Variants in UBN1 observed in about 807,000 individuals in gnomAD.
UBN1 encodes ubinuclein-1.
A neutral mutation model predicts 108.5 loss-of-function variants in UBN1; 17 were observed. The observed-to-expected ratio is 0.16, with a 90% CI of 0.11 to 0.24. The LOEUF is 0.24. Among genes scored for constraint, UBN1 ranks in the 10% least tolerant of loss-of-function variants. The probability of loss-of-function intolerance (pLI) is 1.00; values close to 1 mark genes in which losing one functional copy is unlikely to be tolerated. For missense variants in UBN1, 1,595 were observed against 1,394.4 expected, an observed-to-expected ratio of 1.14 and a Z score of -2.29; for synonymous variants, 726 against 564.2, an observed-to-expected ratio of 1.29 and a Z score of -4.07.
At chr16:4,860,435 G>A (rs1280742360) in intron 6 of UBN1, among the ~76,000 whole-genome samples, 2 of 152,156 alleles carry the variant, frequency 1.3e-5, no homozygotes, top group East Asian at 3.9e-4. Flanking sequence ...CTAAAAACCC[G>A]TCGGAAATTT....
chr16:4,857,498 G>A (rs370648812), intron 2 of UBN1, among the ~76,000 whole-genome samples: 7 of 152,014 alleles, frequency 4.6e-5, no homozygotes, highest in African/African-American at 1.4e-4. Flanking sequence ...TGGTAGCACC[G>A]AGAGAAGTGC....
rs1386261954 is a variant in UBN1, at chr16:4,881,668, C to G, written c.*1536C>G. Reference sequence around the variant, plus strand: ...CTCTGTCCGCCCTTTGGCCCGGCCTCTGCTCTGTCTCCTTTTTTTACATAA... The same window carrying G: ...CTCTGTCCGCCCTTTGGCCCGGCCTGTGCTCTGTCTCCTTTTTTTACATAA... On this transcript the variant is annotated 3_prime_UTR_variant, in exon 18 of 18. Coordinates refer to ENST00000262376, the MANE Select transcript of UBN1 (RefSeq NM_001079514.3). 1 of 152,242 alleles carries G rather than the reference C, an allele frequency of 6.6e-6. No individual in the cohort carries two copies. The highest frequency in any genetic ancestry group is 1.9e-4 in the East Asian group (1 of 5,196). 9.4% of individuals were successfully genotyped at this position (152,242 alleles called of 1,614,324 possible). A position where few individuals can be genotyped will look rare whatever the true frequency, so the allele number is the denominator to read the frequency against.
Position 4,881,336 on chromosome 16 carries a change from G to A in UBN1, c.*1204G>A, listed in dbSNP as rs2660236. On this transcript the variant is annotated 3_prime_UTR_variant, in exon 18 of 18. Transcript: ENST00000262376. ...CGACTGAAGGGTGATGTGCAGAAGA[G>A]CTTGGAGAGTGGATCAGAGAGACTA... 8 of 152,660 alleles carry A rather than the reference G, an allele frequency of 5.2e-5. No homozygotes were observed. The highest frequency in any genetic ancestry group is 2.6e-4 in the Admixed American group (4 of 15,300). 9.5% of individuals were successfully genotyped at this position (152,660 alleles called of 1,614,324 possible).
chr16:4,850,447 C>A (rs530270367), intron 1 of UBN1, among the ~76,000 whole-genome samples: 3 of 152,268 alleles, frequency 2.0e-5, no homozygotes, highest in African/African-American at 7.2e-5. Flanking sequence ...TTGCTGATTC[C>A]CTTCTTATAG....
At chr16:4,875,734 C>A (rs2087850911) in intron 15 of UBN1, among the ~76,000 whole-genome samples, 1 of 152,160 alleles carries the variant, frequency 6.6e-6, no homozygotes, top group Non-Finnish European at 1.5e-5. Flanking sequence ...GAGCAACAGC[C>A]CTTGCCTTCC....
At chr16:4,869,838 A>G (rs570363787) in intron 8 of UBN1, among the ~76,000 whole-genome samples, 5 of 151,520 alleles carry the variant, frequency 3.3e-5, no homozygotes, top group South Asian at 2.1e-4. Context: ...GGACTGGGGG[A>G]AAAAAAAGAA....
chr16:4,861,573 G>T (rs544636966), intron 7 of UBN1, among the ~76,000 whole-genome samples: 12 of 152,340 alleles, frequency 7.9e-5, no homozygotes, highest in African/African-American at 2.9e-4. Flanking sequence ...CCAGTGTTAG[G>T]TAGTGATTAC....
At chr16:4,855,800 TC>T (rs2086782967) in intron 2 of UBN1, among the ~76,000 whole-genome samples, 1 of 152,194 alleles carries the variant, frequency 6.6e-6, no homozygotes, top group Non-Finnish European at 1.5e-5. Context: ...ATGCATGTAA[TC>T]CCAGCTACTC....
At chr16:4,851,648 A>G (rs2142107941) in intron 1 of UBN1, among the ~76,000 whole-genome samples, 1 of 152,200 alleles carries the variant, frequency 6.6e-6, no homozygotes, top group East Asian at 1.9e-4. Flanking sequence ...GTGGGTCAGC[A>G]TCTCTACAAA....
chr16:4,872,266 G>T (rs1284814116), intron 12 of UBN1: 6 of 985,238 alleles, frequency 6.1e-6, no homozygotes, highest in African/African-American at 1.7e-5. Flanking sequence ...TTTATTCCTG[G>T]AATGGAGGGA....
chr16:4,855,424 G>C (rs1241320409), intron 2 of UBN1, among the ~76,000 whole-genome samples: 1 of 151,936 alleles, frequency 6.6e-6, no homozygotes, highest in South Asian at 2.1e-4. Flanking sequence ...AGACTAGCCT[G>C]GGCAACATAG....
chr16:4,848,956 C>T (rs2086368894), intron 1 of UBN1, among the ~76,000 whole-genome samples: 1 of 152,102 alleles, frequency 6.6e-6, no homozygotes, highest in East Asian at 1.9e-4. Flanking sequence ...ACAAAATTAG[C>T]CGGGCGTGGT....
chr16:4,857,670 G>A (rs2086877622), intron 2 of UBN1, among the ~76,000 whole-genome samples: 1 of 152,150 alleles, frequency 6.6e-6, no homozygotes, highest in Non-Finnish European at 1.5e-5. Context: ...GAGTTACAAA[G>A]GAAGTCCACT....
intron 2 of UBN1, among the ~76,000 whole-genome samples, chr16:4,856,245 A>T (rs1235095795): frequency 2.0e-5 from 3 of 152,172 alleles, no homozygotes; most frequent in African/African-American, 7.2e-5. Context: ...GCCCTTCACC[A>T]TTGCAGAAAA....
At chr16:4,873,273 C>T (rs973642608) in intron 14 of UBN1, among the ~76,000 whole-genome samples, 200 bp downstream of exon 14, 5 of 152,204 alleles carry the variant, frequency 3.3e-5, no homozygotes, top group African/African-American at 1.2e-4. Context: ...ACAAACAGTA[C>T]CCAGCTGGCC....
In UBN1 at chr16:4,860,610, T is replaced by A. The variant is rs946796971; in HGVS notation, c.672-54T>A. The A allele has an allele frequency of 1.6e-5, 24 of 1,533,018 alleles. 1 individual carries two copies. The highest frequency in any genetic ancestry group is 2.0e-5 in the Non-Finnish European group (23 of 1,146,350). The allele number at this position is 1,533,018 out of a possible 1,614,324, so 95.0% of individuals were successfully genotyped here. A position where few individuals can be genotyped will look rare whatever the true frequency, so the allele number is the denominator to read the frequency against. On this transcript the variant is annotated intron_variant, in intron 6 of 17. Transcript: ENST00000262376. ...GGAGCAGGGGTGAAGGCCTCTGGAG[T>A]TCCCTTTGGAGGTGTCCTATAGTCT...
chr16:4,867,126 A>C (rs991201743), intron 7 of UBN1, among the ~76,000 whole-genome samples: 8 of 152,222 alleles, frequency 5.3e-5, no homozygotes, highest in Admixed American at 2.6e-4. Context: ...TTTGGGTTTG[A>C]TACCAGGCTT....
Position 4,880,287 on chromosome 16 carries a change from C to T in UBN1, c.*155C>T, listed in dbSNP as rs549114692. On this transcript the variant is annotated 3_prime_UTR_variant, in exon 18 of 18. Transcript: ENST00000262376. ...AGCGCTTCTCGGCACTTCTGATGTGCCTCCCATGGAGGGAGCCGGGCCCTT... is the reference window on the plus strand; with the variant it reads ...AGCGCTTCTCGGCACTTCTGATGTGTCTCCCATGGAGGGAGCCGGGCCCTT... The T allele has an allele frequency of 8.3e-6, 7 of 841,598 alleles. No individual in the cohort carries two copies. In the East Asian group the frequency reaches 1.6e-4, roughly 19 times the overall value. 52.1% of individuals were successfully genotyped at this position (841,598 alleles called of 1,614,324 possible). A position where few individuals can be genotyped will look rare whatever the true frequency, so the allele number is the denominator to read the frequency against.
At chr16:4,861,946 C>T (rs1196971980) in intron 7 of UBN1, among the ~76,000 whole-genome samples, 2 of 152,186 alleles carry the variant, frequency 1.3e-5, no homozygotes, top group African/African-American at 4.8e-5. Flanking sequence ...CATTAAAAAA[C>T]AAACCAACCA....
Sources: gnomAD v4.1 joint callset for allele counts (sites outside exome capture counted in the v4.1 genomes callset) on GRCh38, gnomAD v4.1.1 for gene constraint, MANE v1.5 for transcripts, NCBI Gene and HGNC (gene_info 2026-07-23, HGNC 2026-07-21) for gene names.